The following PCLO variants were observed in gnomAD, a reference collection of about 807,000 sequenced individuals.
PCLO encodes protein piccolo.
A neutral mutation model predicts 427.5 loss-of-function variants in PCLO; 82 were observed. That is an observed-to-expected ratio of 0.19 (90% CI 0.16 to 0.23). The LOEUF (loss-of-function observed/expected upper bound fraction) is 0.23. Ranked by LOEUF, PCLO falls within the 10% of genes least tolerant of loss-of-function variation. The pLI, the probability that PCLO is intolerant of heterozygous loss-of-function variation, is 1.00. For synonymous variants in PCLO, 2,357 were observed against 2,155.4 expected, an observed-to-expected ratio of 1.09 and a Z score of -2.59; for missense variants, 6,239 against 6,115.9, an observed-to-expected ratio of 1.02 and a Z score of -0.67.
intron 3 of PCLO, among the ~76,000 whole-genome samples, chr7:82,971,895 C>T (rs542786392): frequency 2.7e-5 from 4 of 150,738 alleles, no homozygotes; most frequent in East Asian, 3.9e-4. Flanking sequence ...ATTTTTTTTC[C>T]GGTGATTTTT....
At chr7:82,873,745 A>G (rs1793297087) in intron 10 of PCLO, among the ~76,000 whole-genome samples, 1 of 152,096 alleles carries the variant, frequency 6.6e-6, no homozygotes, top group Admixed American at 6.6e-5. Context: ...CTTCTGGACT[A>G]AAGAAGAACT....
intron 6 of PCLO, 46 bp downstream of exon 6, chr7:82,949,430 T>C (rs1795278611): frequency 6.4e-6 from 9 of 1,410,264 alleles, no homozygotes; most frequent in Non-Finnish European, 8.7e-6. Flanking sequence ...AAACACATGA[T>C]TAATAACTCA....
intron 3 of PCLO, among the ~76,000 whole-genome samples, chr7:83,092,946 C>CAAAA (rs10684707): frequency 0.053 from 4,717 of 89,326 alleles, 257 homozygotes; most frequent in African/African-American, 0.095. Context: ...GACTCTGTCT[C>CAAAA]AAAAAAAAAA....
chr7:82,771,758 C>T (rs879677362), intron 22 of PCLO, among the ~76,000 whole-genome samples: 2 of 151,664 alleles, frequency 1.3e-5, no homozygotes, highest in Non-Finnish European at 2.9e-5. Context: ...TACTCCTAGG[C>T]GTGTATATAT....
intron 10 of PCLO, among the ~76,000 whole-genome samples, chr7:82,859,971 C>T (rs372114195): frequency 3.9e-4 from 59 of 151,980 alleles, no homozygotes; most frequent in African/African-American, 1.1e-3. Context: ...AAGAATTGAT[C>T]AAGCAAAAGA....
intron 3 of PCLO, among the ~76,000 whole-genome samples, chr7:83,126,807 G>C (rs865791928): frequency 1.3e-5 from 2 of 151,954 alleles, no homozygotes; most frequent in Non-Finnish European, 2.9e-5. Flanking sequence ...CTTATATGAT[G>C]TTTACCCTCA....
chr7:83,000,212 C>T (rs1787783038), intron 3 of PCLO, among the ~76,000 whole-genome samples: 1 of 150,866 alleles, frequency 6.6e-6, no homozygotes. Flanking sequence ...TTACATCTCA[C>T]ATTTCCTCAG....
chr7:82,843,489 G>T (rs1012270262), intron 13 of PCLO, among the ~76,000 whole-genome samples: 2 of 152,062 alleles, frequency 1.3e-5, no homozygotes, highest in Admixed American at 1.3e-4. Flanking sequence ...GGTGACTACA[G>T]TTAATAGTAA....
chr7:82,964,002 A>C (rs1795710837), intron 4 of PCLO, among the ~76,000 whole-genome samples: 1 of 152,176 alleles, frequency 6.6e-6, no homozygotes, highest in South Asian at 2.1e-4. Context: ...TTAAAACACA[A>C]TAGGGAATCA....
At position 82,950,751 on chromosome 7, in the gene PCLO, G is replaced by A; in HGVS notation, c.9837C>T (p.Phe3279=). ...GAGCTAACGTCTCCTGCCTCATCAT[G>A]AACTGGGCTTGCCGCTCTTCTTCTT... ...FQQEEERQAQ[F]MMRQETLAQQ... The change falls in exon 6 of 25, where the codon TTC becomes TTT. Residue 3279 remains phenylalanine (F), a synonymous_variant. Coordinates refer to ENST00000333891, the MANE Select transcript of PCLO (RefSeq NM_033026.6). 1 of 1,613,804 alleles carries A rather than the reference G, an allele frequency of 6.2e-7. No individual in the cohort carries two copies. Among genetic ancestry groups the A allele is most frequent in the Non-Finnish European group, 8.5e-7 (1 of 1,179,836 alleles).
intron 1 of PCLO, among the ~76,000 whole-genome samples, chr7:83,160,873 A>G (rs1792418493): frequency 6.6e-6 from 1 of 152,192 alleles, no homozygotes; most frequent in Non-Finnish European, 1.5e-5. Flanking sequence ...GGCTAATAAA[A>G]GTATCATACC....
intron 3 of PCLO, among the ~76,000 whole-genome samples, chr7:83,093,472 G>GTGTGTGTGTATATATATATATATATA (rs745824155): frequency 6.1e-5 from 6 of 99,168 alleles, no homozygotes; most frequent in South Asian, 2.9e-4. Flanking sequence ...ATGTGTGTGT[G>GTGTGTGTGTATATATATATATATATA]TATAGATATA....
chr7:83,062,151 G>C (rs1789557853), intron 3 of PCLO, among the ~76,000 whole-genome samples: 1 of 152,034 alleles, frequency 6.6e-6, no homozygotes, highest in African/African-American at 2.4e-5. Flanking sequence ...CTCCTGGAAG[G>C]CTGTCTTAAT....
At chr7:82,893,330 A>AT (rs1203243458) in intron 9 of PCLO, among the ~76,000 whole-genome samples, 1 of 152,078 alleles carries the variant, frequency 6.6e-6, no homozygotes, top group African/African-American at 2.4e-5. Flanking sequence ...AGGACAAAAA[A>AT]CCAAACACTG....
intron 3 of PCLO, among the ~76,000 whole-genome samples, chr7:83,060,319 T>C (rs376223949): frequency 6.6e-6 from 1 of 152,264 alleles, no homozygotes; most frequent in African/African-American, 2.4e-5. Context: ...GTGCTGAGGC[T>C]GCTGTTTTTC....
rs1181355075 is a variant in PCLO at position 82,847,224 on chromosome 7, C to T, written c.13678G>A (p.Gly4560Arg). ...TATGTTTTAGAAGTCAAGGGAATTC[C>T]ATTCCATTCCAATACTTGCATCCCT... ...MEGMQVLEWN[G>R]IPLTSKTYEE... The change falls in exon 11 of 25, where the codon GGA (glycine) becomes AGA (arginine). Residue 4560 changes from glycine to arginine, a missense_variant. Around this residue, in one of 5 missense-constraint regions of PCLO, gnomAD observed 877 missense variants for 925.5 expected, o/e 0.95. Transcript: ENST00000333891. 6.3e-7 allele frequency: 1 copy of T among 1,591,462 alleles called. No homozygotes were observed. Among genetic ancestry groups the T allele is most frequent in the Non-Finnish European group, 8.6e-7 (1 of 1,166,750 alleles).
Position 83,025,005 on chromosome 7 carries a change from A to T in PCLO, c.3301-58518T>A, listed in dbSNP as rs1788453014. Among the ~76,000 whole-genome samples the T allele has an allele frequency of 3.3e-5, 5 of 152,316 alleles. No homozygotes were observed. In the South Asian group the frequency reaches 1.0e-3, roughly 32 times the overall value. ...TAGATAAAACCACAAAGATGGGGAA[A>T]AAACAGAACAGAAAAACTGGAAACT... On this transcript the variant is annotated intron_variant, in intron 3 of 24. Coordinates refer to ENST00000333891, the MANE Select transcript of PCLO (RefSeq NM_033026.6).
rs1436404346 is a variant in PCLO, at chr7:82,756,938, A to G, written c.*1637T>C. On this transcript the variant is annotated 3_prime_UTR_variant, in exon 25 of 25. Coordinates refer to ENST00000333891, the MANE Select transcript of PCLO (RefSeq NM_033026.6). ...CCATGTCAATCCTTGCCATTGGTTTAGATGATGTTTTTCACATATAAAATT... is the reference window on the plus strand; with the variant it reads ...CCATGTCAATCCTTGCCATTGGTTTGGATGATGTTTTTCACATATAAAATT... 1 of 151,970 alleles carries G rather than the reference A, an allele frequency of 6.6e-6. No individual in the cohort carries two copies. The highest frequency in any genetic ancestry group is 2.4e-5 in the African/African-American group (1 of 41,430). The allele number at this position is 151,970 out of a possible 1,614,324, so 9.4% of individuals were successfully genotyped here.
At chr7:83,044,666 T>C (rs891646502) in intron 3 of PCLO, among the ~76,000 whole-genome samples, 4 of 152,074 alleles carry the variant, frequency 2.6e-5, no homozygotes, top group African/African-American at 9.7e-5. Flanking sequence ...TTCTCTACAA[T>C]AGAGAAGAAA....
Sources: allele counts gnomAD v4.1 joint callset (sites outside exome capture counted in the v4.1 genomes callset), GRCh38; gene constraint gnomAD v4.1.1; regional missense constraint gnomAD v4.1.1; transcripts MANE v1.5; gene names NCBI Gene and HGNC (gene_info 2026-07-23, HGNC 2026-07-21).